Variants in SCUBE1 observed in about 807,000 individuals in gnomAD.
SCUBE1 encodes signal peptide, CUB and EGF-like domain-containing protein 1.
Under a neutral mutation model 124.4 loss-of-function variants are expected in SCUBE1, and 59 were observed. The observed-to-expected ratio is 0.47, with a 90% confidence interval of 0.38 to 0.59. SCUBE1 has a LOEUF of 0.59. SCUBE1 is among the 20% of genes least tolerant of loss of function. SCUBE1 has a pLI of 0.00. For synonymous variants in SCUBE1, 545 were observed against 550.9 expected (o/e 0.99, Z 0.15); for missense variants, 1,150 against 1,371.2 (o/e 0.84, Z 2.55).
chr22:43,222,717 G>T lies in SCUBE1; in HGVS notation c.1353C>A (p.Ser451Arg), dbSNP rs747940220. ...VPDSENSYVL[S>R]CGVPGPQGKA... is the part of the protein sequence containing the mutation. ...TGCCCTGCGGCCCTGGAACTCCGCA[G>T]CTCAGGACGTAGCTATTTTCCGAGT... Residue 451 changes from serine to arginine, a missense_variant, in exon 12 of 22, where the codon AGC (serine) becomes AGA (arginine). This residue lies in a region of SCUBE1 where 757 missense variants were observed against 840.9 expected (regional missense o/e 0.90). Coordinates refer to ENST00000360835, the MANE Select transcript of SCUBE1 (RefSeq NM_173050.5). The T allele has an allele frequency of 3.1e-6, 5 of 1,605,064 alleles. No individual in the cohort carries two copies. The highest frequency in any genetic ancestry group is 4.3e-6 in the Non-Finnish European group (5 of 1,175,860).
chr22:43,267,301 G>A (rs1924109806), intron 4 of SCUBE1, among the ~76,000 whole-genome samples: 1 of 152,316 alleles, frequency 6.6e-6, no homozygotes, highest in Non-Finnish European at 1.5e-5. Flanking sequence ...AATGAGTGGG[G>A]AAAGAGAGGG....
intron 3 of SCUBE1, among the ~76,000 whole-genome samples, chr22:43,299,705 C>T (rs183305934): frequency 6.4e-4 from 97 of 152,262 alleles, no homozygotes; most frequent in Non-Finnish European, 1.1e-3. Flanking sequence ...GTATATTCAC[C>T]GTGTTGCACG....
rs1921023867 is a variant in SCUBE1 at position 43,201,899 on chromosome 22, C to G, written c.*2098G>C. 1 of 152,230 alleles carries G rather than the reference C, an allele frequency of 6.6e-6. No individual in the cohort carries two copies. The highest frequency in any genetic ancestry group is 1.5e-5 in the Non-Finnish European group (1 of 68,056). The allele number at this position is 152,230 out of a possible 1,614,324, so 9.4% of individuals were successfully genotyped here. On this transcript the variant is annotated 3_prime_UTR_variant, in exon 22 of 22. Coordinates refer to ENST00000360835, the MANE Select transcript of SCUBE1 (RefSeq NM_173050.5). ...ACTCGGCAGGATGCTCGCCTCTCATCTTGGGGATGACTGACGGCTCCACAA... is the reference window on the plus strand; with the variant it reads ...ACTCGGCAGGATGCTCGCCTCTCATGTTGGGGATGACTGACGGCTCCACAA...
chr22:43,272,737 G>A (rs1474028426), intron 4 of SCUBE1, among the ~76,000 whole-genome samples: 1 of 152,204 alleles, frequency 6.6e-6, no homozygotes. Flanking sequence ...CCACAGCTCC[G>A]AGAGAAATTG....
chr22:43,271,765 T>C (rs1307028650), intron 4 of SCUBE1, among the ~76,000 whole-genome samples: 1 of 151,884 alleles, frequency 6.6e-6, no homozygotes, highest in Non-Finnish European at 1.5e-5. Flanking sequence ...CCCTAGGGGG[T>C]AGTCCCCTCT....
rs1922673725 is a variant in SCUBE1 at position 43,234,358 on chromosome 22, C to T, written c.845-2483G>A. ...CGCCTCTCCCAGCATCCTTAGCAAA[C>T]TGAAATGAGCTGAGGCTGCTAAGCA... is the stretch of plus-strand genomic sequence containing the variant. On this transcript the variant is annotated intron_variant, in intron 7 of 21. Transcript: ENST00000360835. The surrounding 1 kb of genome is among the most constrained non-coding windows in gnomAD (Gnocchi z 4.4). 6.6e-6 allele frequency among the ~76,000 whole-genome samples: 1 copy of T among 152,172 alleles called. No individual in the cohort carries two copies. Among genetic ancestry groups the T allele is most frequent in the African/African-American group, 2.4e-5 (1 of 41,440 alleles).
rs147084414 is a variant in SCUBE1, at chr22:43,209,102, C to A, written c.2582-878G>T. Among the ~76,000 whole-genome samples, 10 of 152,316 alleles carry A rather than the reference C, an allele frequency of 6.6e-5. No homozygotes were observed. The South Asian group carries it at 2.1e-3, about 32-fold the overall frequency. On this transcript the variant is annotated intron_variant, in intron 19 of 21. Coordinates refer to ENST00000360835, the MANE Select transcript of SCUBE1 (RefSeq NM_173050.5). ...ACTGCGGCTTTTGGCTGCTCAGCTGCGTCAGCCTTGCTGACATCCGTCTAC... is the reference window on the plus strand; with the variant it reads ...ACTGCGGCTTTTGGCTGCTCAGCTGAGTCAGCCTTGCTGACATCCGTCTAC...
chr22:43,247,351 A>C (rs1006203496), intron 6 of SCUBE1, among the ~76,000 whole-genome samples: 7 of 152,162 alleles, frequency 4.6e-5, no homozygotes, highest in African/African-American at 1.7e-4. Flanking sequence ...GTGACTGGGG[A>C]AGCCAGGACT....
intron 9 of SCUBE1, among the ~76,000 whole-genome samples, chr22:43,228,213 G>A (rs1922403796): frequency 2.0e-5 from 3 of 152,288 alleles, no homozygotes; most frequent in Admixed American, 2.0e-4. Flanking sequence ...GAGGGGGACC[G>A]TCCTTGGCTT....
At chr22:43,287,902 C>T (rs999034334) in intron 4 of SCUBE1, among the ~76,000 whole-genome samples, 1 of 152,186 alleles carries the variant, frequency 6.6e-6, no homozygotes, top group Non-Finnish European at 1.5e-5. Context: ...AGGTAGACAA[C>T]CTGCCCAGTC....
chr22:43,313,515 C>T (rs1926240940), intron 3 of SCUBE1, among the ~76,000 whole-genome samples: 1 of 152,164 alleles, frequency 6.6e-6, no homozygotes, highest in Admixed American at 6.5e-5. Context: ...ATTCTATTAG[C>T]CTAAATATTG....
intron 3 of SCUBE1, among the ~76,000 whole-genome samples, chr22:43,305,072 C>T (rs921737350): frequency 3.1e-4 from 47 of 152,138 alleles, no homozygotes; most frequent in African/African-American, 1.0e-3. Flanking sequence ...CCGCACTGTC[C>T]CGGGCTTTCA....
intron 6 of SCUBE1, among the ~76,000 whole-genome samples, chr22:43,253,984 T>C (rs891163128): frequency 6.6e-6 from 1 of 152,110 alleles, no homozygotes; most frequent in Admixed American, 6.5e-5. Context: ...TTCCAGAAAG[T>C]CCATAGCACT....
intron 5 of SCUBE1, among the ~76,000 whole-genome samples, chr22:43,259,921 G>A (rs1601836743): frequency 2.0e-5 from 3 of 152,232 alleles, no homozygotes; most frequent in Admixed American, 2.0e-4. Context: ...GGGTGGAGCC[G>A]GCACCCTGGA....
intron 6 of SCUBE1, among the ~76,000 whole-genome samples, chr22:43,251,170 A>G (rs1338737333): frequency 6.6e-6 from 1 of 152,204 alleles, no homozygotes; most frequent in African/African-American, 2.4e-5. Context: ...TACACCCCCA[A>G]GGCTGCCTGA....
At chr22:43,214,515 G>A (rs11912235) in intron 15 of SCUBE1, among the ~76,000 whole-genome samples, 2,577 of 152,310 alleles carry the variant, frequency 0.017, 58 homozygotes, top group African/African-American at 0.055. Flanking sequence ...CCCGCTTATA[G>A]AAGCCTGTGG....
intron 4 of SCUBE1, among the ~76,000 whole-genome samples, chr22:43,278,507 G>C (rs941180216): frequency 5.3e-5 from 8 of 152,308 alleles, no homozygotes; most frequent in Non-Finnish European, 1.2e-4. Flanking sequence ...CCGTGCTAGG[G>C]CCCCTCAGGT....
In SCUBE1 at chr22:43,255,904, C is replaced by T. The variant is rs1192106682; in HGVS notation, c.727+2315G>A. ...GAGGTCAGGGCAGACGGGATTCGTCCGCAGAGAGCCACAGAAGCAGAAAGC... is the reference window on the plus strand; with the variant it reads ...GAGGTCAGGGCAGACGGGATTCGTCTGCAGAGAGCCACAGAAGCAGAAAGC... On this transcript the variant is annotated intron_variant, in intron 6 of 21. Coordinates refer to ENST00000360835, the MANE Select transcript of SCUBE1 (RefSeq NM_173050.5). The surrounding 1 kb of genome is among the most constrained non-coding windows in gnomAD (Gnocchi z 4.7). Among the ~76,000 whole-genome samples the T allele has an allele frequency of 6.6e-6, 1 of 152,070 alleles. No homozygotes were observed. The highest frequency in any genetic ancestry group is 2.4e-5 in the African/African-American group (1 of 41,388).
rs189973221 is a variant in SCUBE1, at chr22:43,221,716, A to G, written c.1433-427T>C. ...TGCAAGAGCAAATCATAGCCCTTGGACTAAAGAATCCTACCACCACAGGTG... is the reference window on the plus strand; with the variant it reads ...TGCAAGAGCAAATCATAGCCCTTGGGCTAAAGAATCCTACCACCACAGGTG... On this transcript the variant is annotated intron_variant, in intron 12 of 21. Transcript: ENST00000360835. Among the ~76,000 whole-genome samples the G allele has an allele frequency of 1.3e-3, 195 of 152,354 alleles. 1 individual carries two copies. The highest frequency in any genetic ancestry group is 3.9e-3 in the African/African-American group (161 of 41,580).
Sources: gnomAD v4.1 joint callset for allele counts (sites outside exome capture counted in the v4.1 genomes callset) on GRCh38, gnomAD v4.1.1 for gene constraint, gnomAD v4.1.1 regional missense constraint, Gnocchi (gnomAD v3.1) non-coding constraint, MANE v1.5 for transcripts, NCBI Gene and HGNC (gene_info 2026-07-23, HGNC 2026-07-21) for gene names.